The following PLEK2 variants were observed in gnomAD, a reference collection of about 807,000 sequenced individuals.
The protein encoded by PLEK2 is pleckstrin 2.
In PLEK2, 29 loss-of-function variants were observed where a neutral mutation model predicts 43.8. The observed-to-expected ratio is 0.66, with a 90% CI of 0.49 to 0.90. The LOEUF (loss-of-function observed/expected upper bound fraction) is 0.90, where lower values mean the gene tolerates loss of function less well. Among genes scored for constraint, PLEK2 ranks in the 40% least tolerant of loss-of-function variants. The pLI, the probability that PLEK2 is intolerant of heterozygous loss-of-function variation, is 0.00. For missense variants in PLEK2, 398 were observed against 448.1 expected (o/e 0.89, Z 1.01); for synonymous variants, 162 against 173.2 (o/e 0.94, Z 0.51).
At chr14:67,392,479 G>A in intron 5 of PLEK2, 52 bp from the exon 6 acceptor site, 2 of 1,390,684 alleles carry the variant, frequency 1.4e-6, no homozygotes, top group African/African-American at 1.4e-5. Flanking sequence ...CCCAGGCCCA[G>A]GCTATGGCGG....
chr14:67,398,647 T>C (rs1290364979), intron 1 of PLEK2, among the ~76,000 whole-genome samples: 1 of 145,606 alleles, frequency 6.9e-6, no homozygotes. Context: ...CTTCTCTTTA[T>C]TCCTGCCACC....
intron 2 of PLEK2, among the ~76,000 whole-genome samples, chr14:67,396,944 CTT>C (rs72102932): frequency 1.3e-3 from 186 of 139,136 alleles, no homozygotes; most frequent in African/African-American, 1.5e-3. Flanking sequence ...TATTGGGAGA[CTT>C]TTTTTTTTTT....
Position 67,395,426 on chromosome 14 carries a change from T to C in PLEK2, c.365A>G (p.Lys122Arg), listed in dbSNP as rs998252564. ...CTGCAGGCTGATGTGCGGGGGCAGC[T>C]TGAAGGAGTTTCTCAGGCTGTGCAG... ...QQLHSLRNSF[K>R]LPPHISLHRI... Residue 122 changes from lysine (K) to arginine (R), a missense_variant, in exon 3 of 9, where the codon AAG (lysine) becomes AGG (arginine). By Grantham distance (26) the Lys-to-Arg change is conservative. Coordinates refer to ENST00000216446, the MANE Select transcript of PLEK2 (RefSeq NM_016445.3). The C allele has an allele frequency of 3.1e-6, 5 of 1,613,838 alleles. No homozygotes were observed. The highest frequency in any genetic ancestry group is 1.3e-5 in the African/African-American group (1 of 74,932).
Position 67,397,629 on chromosome 14 carries a change from G to A in PLEK2, c.207+33C>T, listed in dbSNP as rs763267962. 4.4e-6 allele frequency: 7 copies of A among 1,579,616 alleles called. No homozygotes were observed. The South Asian group carries it at 7.0e-5, about 16-fold the overall frequency. On this transcript the variant is annotated intron_variant, in intron 2 of 8. Coordinates refer to ENST00000216446, the MANE Select transcript of PLEK2 (RefSeq NM_016445.3). ...CCAGAGGTGGGAAGGCTGTGGAACA[G>A]AGAGGAGCTGGACAGCAGGGGCCAT...
intron 1 of PLEK2, among the ~76,000 whole-genome samples, chr14:67,409,611 C>G (rs2086103717): frequency 6.6e-6 from 1 of 152,168 alleles, no homozygotes; most frequent in Admixed American, 6.5e-5. Context: ...ACTCCCCTGA[C>G]AGCCAGGCCC....
At chr14:67,400,361 C>A (rs1374246465) in intron 1 of PLEK2, among the ~76,000 whole-genome samples, 1 of 152,222 alleles carries the variant, frequency 6.6e-6, no homozygotes, top group Non-Finnish European at 1.5e-5. Flanking sequence ...TCCTTACTTA[C>A]ATCCACATGT....
chr14:67,392,309 G>A lies in PLEK2; in HGVS notation c.771+17C>T, dbSNP rs2085974777. On this transcript the variant is annotated intron_variant, in intron 6 of 8. Transcript: ENST00000216446. ...TGAGAACTGTCCATCTCTCTTCCCT[G>A]CTCATAGCAGCCATACCTGCTTGGC... is the stretch of plus-strand genomic sequence containing the variant. The A allele has an allele frequency of 1.3e-6, 2 of 1,487,610 alleles. No individual in the cohort carries two copies. The highest frequency in any genetic ancestry group is 1.1e-5 in the South Asian group (1 of 88,510). 92.2% of individuals were successfully genotyped at this position (1,487,610 alleles called of 1,614,324 possible).
At chr14:67,391,248 A>G (rs1215101822) in intron 6 of PLEK2, among the ~76,000 whole-genome samples, 1 of 151,024 alleles carries the variant, frequency 6.6e-6, no homozygotes, top group Non-Finnish European at 1.5e-5. Flanking sequence ...ATATGATAAA[A>G]TCTAAATGTG....
Position 67,387,126 on chromosome 14 carries a change from G to A in PLEK2, c.*203C>T, listed in dbSNP as rs2085931047. 1.7e-5 allele frequency: 8 copies of A among 461,472 alleles called. No homozygotes were observed. The East Asian group carries it at 3.0e-4, about 18-fold the overall frequency. 28.6% of individuals were successfully genotyped at this position (461,472 alleles called of 1,614,324 possible). A position where few individuals can be genotyped will look rare whatever the true frequency, so the allele number is the denominator to read the frequency against. On this transcript the variant is annotated 3_prime_UTR_variant, in exon 9 of 9. Coordinates refer to ENST00000216446, the MANE Select transcript of PLEK2 (RefSeq NM_016445.3). ...ATGCTGACGCCTAATGGCTGTTCTA[G>A]CCTTTCCAGGTTTGTAACATGAAGA...
At chr14:67,406,777 A>T (rs1390612384) in intron 1 of PLEK2, among the ~76,000 whole-genome samples, 1 of 152,194 alleles carries the variant, frequency 6.6e-6, no homozygotes, top group East Asian at 1.9e-4. Context: ...CTCTACAGAT[A>T]AACCACACCA....
intron 5 of PLEK2, 46 bp from the exon 6 acceptor site, chr14:67,392,473 G>C: frequency 6.9e-7 from 1 of 1,444,882 alleles, no homozygotes. Flanking sequence ...AAAAGACCCA[G>C]GCCCAGGCTA....
At chr14:67,401,913 C>T (rs2086050861) in intron 1 of PLEK2, among the ~76,000 whole-genome samples, 1 of 152,118 alleles carries the variant, frequency 6.6e-6, no homozygotes, top group Non-Finnish European at 1.5e-5. Flanking sequence ...CACCCAACTC[C>T]TGAGGTCAGG....
At position 67,411,926 on chromosome 14, in the gene PLEK2, C is replaced by T. The variant is rs546513144; in HGVS notation, c.42+92G>A. ...GGTTGGGGATGGGAACCAGAGCATG[C>T]CCGTTCCGGGGCGCGCGTCTGGCCC... On this transcript the variant is annotated intron_variant, in intron 1 of 8. Coordinates refer to ENST00000216446, the MANE Select transcript of PLEK2 (RefSeq NM_016445.3). 3.4e-4 allele frequency: 412 copies of T among 1,204,544 alleles called. 4 individuals are homozygous for T. The African/African-American group carries it at 5.9e-3, about 17-fold the overall frequency. 74.6% of individuals were successfully genotyped at this position (1,204,544 alleles called of 1,614,324 possible).
chr14:67,408,509 A>C (rs546131242), intron 1 of PLEK2, among the ~76,000 whole-genome samples: 3 of 152,222 alleles, frequency 2.0e-5, no homozygotes, highest in African/African-American at 7.2e-5. Flanking sequence ...AAATGAAGTC[A>C]CCCTAGACTA....
At chr14:67,391,889 A>G (rs532014264) in intron 6 of PLEK2, among the ~76,000 whole-genome samples, 2 of 152,250 alleles carry the variant, frequency 1.3e-5, no homozygotes, top group East Asian at 3.9e-4. Context: ...TGGTGGAGAA[A>G]ATTGTTTTTA....
At chr14:67,392,887 G>C (rs1217138067) in intron 4 of PLEK2, 38 bp from the exon 5 acceptor site, 2 of 1,535,626 alleles carry the variant, frequency 1.3e-6, no homozygotes, top group Non-Finnish European at 1.8e-6. Flanking sequence ...ATGGGTGATG[G>C]ACCAGCGTCC....
intron 1 of PLEK2, among the ~76,000 whole-genome samples, chr14:67,402,842 T>C (rs775962526): frequency 6.6e-6 from 1 of 152,228 alleles, no homozygotes; most frequent in Non-Finnish European, 1.5e-5. Flanking sequence ...CACAGGTTGC[T>C]TCCAATCTTG....
chr14:67,395,339 TC>T, intron 3 of PLEK2, 62 bp downstream of exon 3: 3 of 1,454,426 alleles, frequency 2.1e-6, no homozygotes, highest in Admixed American at 3.5e-5. Context: ...AGGGGCAGGG[TC>T]CCCTGCCCAC....
At chr14:67,394,872 C>T (rs778131651) in intron 3 of PLEK2, among the ~76,000 whole-genome samples, 28 of 152,178 alleles carry the variant, frequency 1.8e-4, no homozygotes, top group Non-Finnish European at 2.8e-4. Context: ...GAAGAGAGAT[C>T]GGAGCAAGCA....
Sources: allele counts gnomAD v4.1 joint callset (sites outside exome capture counted in the v4.1 genomes callset), GRCh38; gene constraint gnomAD v4.1.1; transcripts MANE v1.5; gene names NCBI Gene and HGNC (gene_info 2026-07-23, HGNC 2026-07-21).